VAC14: variants seen among roughly 807,000 people sequenced by gnomAD.
VAC14 encodes protein VAC14 homolog.
Under a neutral mutation model 85.3 loss-of-function variants are expected in VAC14, and 47 were observed. That is an observed-to-expected ratio of 0.55 (90% CI 0.44 to 0.70). The LOEUF is 0.70. VAC14 is among the 30% of genes least tolerant of loss of function. The pLI is 0.00. For synonymous variants in VAC14, 447 were observed against 430.5 expected (o/e 1.04, Z -0.47); for missense variants, 861 against 1,004.3 (o/e 0.86, Z 1.93).
chr16:70,736,247 T>C (rs1420701995), intron 13 of VAC14, among the ~76,000 whole-genome samples: 1 of 152,212 alleles, frequency 6.6e-6, no homozygotes, highest in Admixed American at 6.5e-5. Context: ...AAACATGTAA[T>C]GTGCCGGGTC....
At chr16:70,708,895 G>C (rs776822149) in intron 14 of VAC14, among the ~76,000 whole-genome samples, 12 of 152,204 alleles carry the variant, frequency 7.9e-5, no homozygotes, top group Non-Finnish European at 1.5e-5. Flanking sequence ...CGGCCGCAGG[G>C]ACCTTCTTGC....
intron 1 of VAC14, among the ~76,000 whole-genome samples, chr16:70,795,551 C>T (rs547306733): frequency 6.7e-6 from 1 of 150,102 alleles, no homozygotes; most frequent in African/African-American, 2.5e-5. Context: ...ATGACTCTGG[C>T]ACCTTCCCCA....
At chr16:70,695,880 C>T (rs1347405516) in intron 16 of VAC14, 1 of 385,568 alleles carries the variant, frequency 2.6e-6, no homozygotes, top group Non-Finnish European at 4.8e-6. Flanking sequence ...GGGAGAGGCT[C>T]TTATCACAGC....
In VAC14 at chr16:70,801,108, C is replaced by G. The variant is rs2034786329; in HGVS notation, c.-208G>C. On this transcript the variant is annotated 5_prime_UTR_variant, in exon 1 of 19. Coordinates refer to ENST00000261776, the MANE Select transcript of VAC14 (RefSeq NM_018052.5). ...ACCTGACCCTGGCCGCTTAACAACT[C>G]CCGCCCGGCACTAGCGGGACTCACG... 2.0e-5 allele frequency: 9 copies of G among 440,066 alleles called. No homozygotes were observed. The South Asian group carries it at 4.5e-4, about 22-fold the overall frequency. 27.3% of individuals were successfully genotyped at this position (440,066 alleles called of 1,614,324 possible).
intron 18 of VAC14, chr16:70,688,703 C>G: frequency 1.0e-6 from 1 of 985,644 alleles, no homozygotes; most frequent in Non-Finnish European, 1.2e-6. Flanking sequence ...TCCAGTTGCT[C>G]TGTACAGCAA....
At chr16:70,794,479 C>T (rs1014048196) in intron 1 of VAC14, among the ~76,000 whole-genome samples, 10 of 152,108 alleles carry the variant, frequency 6.6e-5, no homozygotes, top group African/African-American at 2.4e-4. Flanking sequence ...GAGGTTAAAT[C>T]AGAGATCATA....
At chr16:70,730,337 G>A (rs2054553198) in intron 14 of VAC14, among the ~76,000 whole-genome samples, 1 of 152,004 alleles carries the variant, frequency 6.6e-6, no homozygotes, top group Non-Finnish European at 1.5e-5. Context: ...CCTCCGTGCT[G>A]ACCCCTGAGT....
intron 9 of VAC14, chr16:70,778,394 G>A (rs997028662): frequency 7.9e-5 from 12 of 152,126 alleles, no homozygotes; most frequent in Admixed American, 7.8e-4. Flanking sequence ...GGGGCTGTTG[G>A]GTTCTAATTT....
At chr16:70,765,440 G>A (rs1437780640) in intron 10 of VAC14, among the ~76,000 whole-genome samples, 1 of 152,196 alleles carries the variant, frequency 6.6e-6, no homozygotes, top group Admixed American at 6.5e-5. Flanking sequence ...CATGATGGCT[G>A]TGAAAAGTGA....
chr16:70,721,935 A>G (rs1380584024), intron 14 of VAC14, among the ~76,000 whole-genome samples: 1 of 152,146 alleles, frequency 6.6e-6, no homozygotes, highest in Non-Finnish European at 1.5e-5. Context: ...ACAGGAGCAC[A>G]GGACCCCAGG....
At chr16:70,713,767 C>A (rs1321714110) in intron 14 of VAC14, among the ~76,000 whole-genome samples, 1 of 149,086 alleles carries the variant, frequency 6.7e-6, no homozygotes, top group Non-Finnish European at 1.5e-5. Context: ...TGGTCTTGAA[C>A]TCCTGGGCTC....
chr16:70,773,158 CCTGTGAAT>C (rs1419493541), intron 9 of VAC14: 1 of 152,036 alleles, frequency 6.6e-6, no homozygotes, highest in Non-Finnish European at 1.5e-5. Context: ...GTTACATAAC[CCTGTGAAT>C]CTACAAAGTC....
At chr16:70,698,055 T>C (rs2053749775) in intron 15 of VAC14, among the ~76,000 whole-genome samples, 1 of 151,838 alleles carries the variant, frequency 6.6e-6, no homozygotes, top group South Asian at 2.1e-4. Context: ...TGAGAGTGAG[T>C]GAGTGTCCTT....
chr16:70,688,314 G>C, intron 18 of VAC14: 1 of 1,199,720 alleles, frequency 8.3e-7, no homozygotes, highest in Non-Finnish European at 1.0e-6. Context: ...ACTGCTGCTT[G>C]GCTATTGCCC....
chr16:70,749,048 G>A (rs953776972), intron 12 of VAC14, among the ~76,000 whole-genome samples: 5 of 152,220 alleles, frequency 3.3e-5, no homozygotes, highest in African/African-American at 7.2e-5. Context: ...CCCTATATGC[G>A]CAATGGAGAT....
chr16:70,739,536 G>A (rs537543865), intron 13 of VAC14, among the ~76,000 whole-genome samples: 38 of 152,264 alleles, frequency 2.5e-4, no homozygotes, highest in African/African-American at 8.4e-4. Flanking sequence ...CAGTGCTGGC[G>A]CAGGTGGGAT....
intron 9 of VAC14, among the ~76,000 whole-genome samples, chr16:70,773,638 T>A (rs1406486295): frequency 6.6e-6 from 1 of 152,102 alleles, no homozygotes; most frequent in Non-Finnish European, 1.5e-5. Context: ...TGATACTAAT[T>A]TTTTGTAGTT....
At position 70,691,347 on chromosome 16, in the gene VAC14, C is replaced by T. The variant is rs913423812; in HGVS notation, c.2186+1474G>A. On this transcript the variant is annotated intron_variant, in intron 18 of 18. Transcript: ENST00000261776. ...GGGAAGCAGCCCTTCCTGCCTCCTC[C>T]CTGCTTCCGGCTGCACCTTCCCCTC... 8 of 985,350 alleles carry T rather than the reference C, an allele frequency of 8.1e-6. No homozygotes were observed. The African/African-American group carries it at 1.0e-4, about 13-fold the overall frequency. The allele number at this position is 985,350 out of a possible 1,614,324, so 61.0% of individuals were successfully genotyped here. A position where few individuals can be genotyped will look rare whatever the true frequency, so the allele number is the denominator to read the frequency against.
chr16:70,756,115 G>A (rs769671893), intron 12 of VAC14: 41 of 456,592 alleles, frequency 9.0e-5, no homozygotes, highest in Non-Finnish European at 1.2e-4. Flanking sequence ...TGGACCGGAT[G>A]GCATGAGGCT....
Sources: gnomAD v4.1 joint callset for allele counts (sites outside exome capture counted in the v4.1 genomes callset) on GRCh38, gnomAD v4.1.1 for gene constraint, MANE v1.5 for transcripts, NCBI Gene and HGNC (gene_info 2026-07-23, HGNC 2026-07-21) for gene names.